The following PDE6B variants were observed in gnomAD, a reference collection of about 807,000 sequenced individuals.
The protein encoded by PDE6B is rod cGMP-specific 3',5'-cyclic phosphodiesterase subunit beta.
In PDE6B, 106 loss-of-function variants were observed where a neutral mutation model predicts 109.0. The ratio of observed to expected loss-of-function variants is 0.97; its 90% CI spans 0.83 to 1.14. PDE6B has a LOEUF of 1.14. PDE6B is among the 50% of genes most tolerant of loss of function. The pLI, the probability that PDE6B is intolerant of heterozygous loss-of-function variation, is 0.00. For missense variants in PDE6B, 1,193 were observed against 1,155.6 expected (o/e 1.03, Z -0.47); for synonymous variants, 490 against 471.3 (o/e 1.04, Z -0.51).
intron 11 of PDE6B, among the ~76,000 whole-genome samples, chr4:660,241 A>G (rs1577291977): frequency 6.6e-6 from 1 of 152,150 alleles, no homozygotes; most frequent in East Asian, 1.9e-4. Context: ...CCAACTGGGC[A>G]AGTTCTTCAC....
At chr4:632,171 C>T (rs1351165061) in intron 1 of PDE6B, among the ~76,000 whole-genome samples, 3 of 151,320 alleles carry the variant, frequency 2.0e-5, no homozygotes, top group African/African-American at 7.3e-5. Context: ...GTCCAGGTGT[C>T]ACGCTGTGAT....
In PDE6B at chr4:632,457, G is replaced by A. The variant is rs142592014; in HGVS notation, c.469-2220G>A. On this transcript the variant is annotated intron_variant, in intron 1 of 21. Transcript: ENST00000496514. ...CTGTGTGGTGCCATCTCAGGGTCAC[G>A]TTGTGTGGATCTGCGTGGCAGCATC... Among the ~76,000 whole-genome samples, 12 of 152,044 alleles carry A rather than the reference G, an allele frequency of 7.9e-5. No individual in the cohort carries two copies. In the East Asian group the frequency reaches 1.2e-3, roughly 15 times the overall value.
At chr4:655,610 C>T (rs1736123628) in intron 6 of PDE6B, 1 of 448,240 alleles carries the variant, frequency 2.2e-6, no homozygotes, top group South Asian at 2.1e-5. Context: ...CGTCCTCCAA[C>T]CCACGCCCTG....
At chr4:667,030 G>A (rs909417620) in intron 20 of PDE6B, among the ~76,000 whole-genome samples, 1 of 152,224 alleles carries the variant, frequency 6.6e-6, no homozygotes, top group African/African-American at 2.4e-5. Context: ...CTGTCTGCTG[G>A]TGCACCCGCC....
In PDE6B at chr4:662,635, G is replaced by A. The variant is rs769044865; in HGVS notation, c.1832+17G>A. 28 of 1,475,346 alleles carry A rather than the reference G, an allele frequency of 1.9e-5. No homozygotes were observed. Among genetic ancestry groups the A allele is most frequent in the Middle Eastern group, 1.7e-4 (1 of 5,796 alleles). 91.4% of individuals were successfully genotyped at this position (1,475,346 alleles called of 1,614,324 possible). A position where few individuals can be genotyped will look rare whatever the true frequency, so the allele number is the denominator to read the frequency against. On this transcript the variant is annotated intron_variant, in intron 14 of 21. Coordinates refer to ENST00000496514, the MANE Select transcript of PDE6B (RefSeq NM_000283.4). The surrounding 1 kb of genome is among the most constrained non-coding windows in gnomAD (Gnocchi z 4.3). ...CCAGATGAAGTAGGCACCTCAGGGC[G>A]GGCATGTGAATTAGCCCTAAATCAA...
intron 11 of PDE6B, among the ~76,000 whole-genome samples, chr4:659,741 CAT>C (rs754632383): frequency 3.3e-5 from 5 of 150,946 alleles, no homozygotes; most frequent in African/African-American, 4.9e-5. Flanking sequence ...TGTGTGCTCA[CAT>C]GTGCACAGGG....
chr4:645,640 T>G lies in PDE6B; in HGVS notation c.712-8212T>G, dbSNP rs114862883. Among the ~76,000 whole-genome samples the G allele has an allele frequency of 4.6e-3, 705 of 152,162 alleles. 11 individuals carry two copies. The highest frequency in any genetic ancestry group is 0.016 in the African/African-American group (662 of 41,424). On this transcript the variant is annotated intron_variant, in intron 3 of 21. Coordinates refer to ENST00000496514, the MANE Select transcript of PDE6B (RefSeq NM_000283.4). Reference sequence around the variant, plus strand: ...GATTATTGATATAGTTGGATTAATATATACCATATTCTTAAACATTTTCTC... The same window carrying G: ...GATTATTGATATAGTTGGATTAATAGATACCATATTCTTAAACATTTTCTC...
At chr4:655,911 C>T in intron 6 of PDE6B, 29 bp from the exon 7 acceptor site, 1 of 1,471,834 alleles carries the variant, frequency 6.8e-7, no homozygotes, top group Non-Finnish European at 9.5e-7. Context: ...CCCGGCGTGG[C>T]CTATCTGACC....
In PDE6B at chr4:664,897, G is replaced by C; in HGVS notation, c.2146G>C (p.Ala716Pro). The C allele has an allele frequency of 6.2e-7, 1 of 1,613,296 alleles. No homozygotes were observed. The highest frequency in any genetic ancestry group is 8.5e-7 in the Non-Finnish European group (1 of 1,179,920). The change falls in exon 18 of 22, where the codon GCC becomes CCC. Residue 716 changes from alanine (A) to proline (P), a missense_variant. Ala to Pro is a conservative substitution (Grantham distance 27). Transcript: ENST00000496514. Reference sequence around the variant, plus strand: ...TGTCTGCAGGGCCATGATGATGACAGCCTGCGACCTGTCTGCCATCACCAA... The same window carrying C: ...TGTCTGCAGGGCCATGATGATGACACCCTGCGACCTGTCTGCCATCACCAA... ...KEIVMAMMMT[A>P]CDLSAITKPW...
Position 663,449 on chromosome 4 carries a change from G to A in PDE6B, c.1920+262G>A, listed in dbSNP as rs1344955483. Among the ~76,000 whole-genome samples the A allele has an allele frequency of 1.3e-5, 2 of 152,176 alleles. No individual in the cohort carries two copies. Among genetic ancestry groups the A allele is most frequent in the Non-Finnish European group, 2.9e-5 (2 of 68,026 alleles). ...TGGAAGCCGAAGGGGAAGCGGCCCG[G>A]GACCCACCAGCGGGGGAATGAAGGG... On this transcript the variant is annotated intron_variant, in intron 15 of 21. Coordinates refer to ENST00000496514, the MANE Select transcript of PDE6B (RefSeq NM_000283.4). This position sits in a 1 kb window ranked among gnomAD's most constrained non-coding sequence, Gnocchi z 4.0.
At chr4:664,827 C>A in intron 17 of PDE6B, 54 bp from the exon 18 acceptor site, 1 of 1,384,392 alleles carries the variant, frequency 7.2e-7, no homozygotes. Flanking sequence ...CACATATAAA[C>A]CACCTGCCCT....
At chr4:657,265 G>A (rs756201642) in intron 9 of PDE6B, 86 bp from the exon 10 acceptor site, 29 of 1,509,178 alleles carry the variant, frequency 1.9e-5, no homozygotes, top group East Asian at 4.7e-5. Context: ...GGACCTGCCC[G>A]CCGAGCCACG....
rs1737848213 is a variant in PDE6B at position 666,734 on chromosome 4, G to C, written c.2352+120G>C. ...CCGGCGGTGTCCTCACTGGAGTAGG[G>C]ATGCCAGTGCCAGCTTCGTGCCGCT... On this transcript the variant is annotated intron_variant, in intron 20 of 21. Transcript: ENST00000496514. The surrounding 1 kb of genome is among the most constrained non-coding windows in gnomAD (Gnocchi z 5.6). 1 of 729,748 alleles carries C rather than the reference G, an allele frequency of 1.4e-6. No individual in the cohort carries two copies. The highest frequency in any genetic ancestry group is 2.5e-6 in the Non-Finnish European group (1 of 396,130). The allele number at this position is 729,748 out of a possible 1,614,324, so 45.2% of individuals were successfully genotyped here. A position where few individuals can be genotyped will look rare whatever the true frequency, so the allele number is the denominator to read the frequency against.
chr4:654,964 G>C, intron 6 of PDE6B, 76 bp downstream of exon 6: 1 of 894,976 alleles, frequency 1.1e-6, no homozygotes, highest in Non-Finnish European at 1.9e-6. Context: ...CCCCAGGGCC[G>C]TCCTCCCAGG....
intron 1 of PDE6B, among the ~76,000 whole-genome samples, chr4:631,943 G>A (rs1204002200): frequency 1.3e-5 from 2 of 151,680 alleles, no homozygotes; most frequent in Admixed American, 6.6e-5. Context: ...GTCATCCTGT[G>A]TGGAACTGTG....
In PDE6B at chr4:625,669, A is replaced by T; in HGVS notation, c.43A>T (p.Asn15Tyr). ...GCAGGCCCGGAGCTTTCTGGACCAG[A>T]ACCCCGATTTTGCCCGCCAGTACTT... Reference protein sequence around the residue: ...EEQARSFLDQNPDFARQYFGK... With the variant: ...EEQARSFLDQYPDFARQYFGK... Residue 15 changes from asparagine to tyrosine, a missense_variant, in exon 1 of 22, where the codon AAC (asparagine) becomes TAC (tyrosine). By Grantham distance (143) the Asn-to-Tyr change is moderately radical. Transcript: ENST00000496514. This position sits in a 1 kb window ranked among gnomAD's most constrained non-coding sequence, Gnocchi z 5.0. 6.2e-7 allele frequency: 1 copy of T among 1,613,994 alleles called. No individual in the cohort carries two copies. The highest frequency in any genetic ancestry group is 8.5e-7 in the Non-Finnish European group (1 of 1,180,008).
chr4:654,098 T>C lies in PDE6B; in HGVS notation c.871T>C (p.Ser291Pro). ...TKEKEFFDVW[S>P]VLMGESQPYS... ...TGCCCAGGAATTTTTTGACGTGTGG[T>C]CTGTGCTGATGGGAGAGTCCCAGCC... Residue 291 changes from serine (S) to proline (P), a missense_variant, in exon 5 of 22, where the codon TCT becomes CCT. Transcript: ENST00000496514. 6.2e-7 allele frequency: 1 copy of C among 1,613,834 alleles called. No homozygotes were observed. Among genetic ancestry groups the C allele is most frequent in the Non-Finnish European group, 8.5e-7 (1 of 1,180,026 alleles).
intron 11 of PDE6B, 112 bp from the exon 12 acceptor site, chr4:660,355 G>C (rs903093119): frequency 1.1e-5 from 12 of 1,089,634 alleles, no homozygotes; most frequent in African/African-American, 1.5e-5. Context: ...CATCTCCTCA[G>C]AGATGCCTGA....
At chr4:654,444 C>A (rs1272096812) in intron 5 of PDE6B, 6 of 613,486 alleles carry the variant, frequency 9.8e-6, no homozygotes, top group Non-Finnish European at 1.5e-5. Flanking sequence ...GTGGGACCTC[C>A]TGTGCACGTG....
Sources: allele counts gnomAD v4.1 joint callset (sites outside exome capture counted in the v4.1 genomes callset), GRCh38; gene constraint gnomAD v4.1.1; non-coding constraint Gnocchi (gnomAD v3.1); transcripts MANE v1.5; gene names NCBI Gene and HGNC (gene_info 2026-07-23, HGNC 2026-07-21).